Variants in PDE1C observed in about 807,000 individuals in gnomAD.
PDE1C encodes the protein dual specificity calcium/calmodulin-dependent 3',5'-cyclic nucleotide phosphodiesterase 1C.
A neutral mutation model predicts 93.1 loss-of-function variants in PDE1C; 62 were observed. The observed-to-expected ratio is 0.67, with a 90% CI of 0.54 to 0.82. PDE1C has a LOEUF of 0.82. PDE1C is among the 40% of genes least tolerant of loss of function. The pLI is 0.00. For synonymous variants in PDE1C, 325 were observed against 310.1 expected, an observed-to-expected ratio of 1.05 and a Z score of -0.50; for missense variants, 742 against 884.6, an observed-to-expected ratio of 0.84 and a Z score of 2.04.
At chr7:32,392,924 C>T (rs895798759) in intron 1 of PDE1C, among the ~76,000 whole-genome samples, 12 of 151,708 alleles carry the variant, frequency 7.9e-5, no homozygotes, top group African/African-American at 2.7e-4. Context: ...TGGTGCACAC[C>T]TGTAATCCCA....
the PDE1C span, among the ~76,000 whole-genome samples, chr7:31,670,935 C>G: frequency 3.2e-3 from 487 of 152,218 alleles, 1 homozygote; most frequent in African/African-American, 0.01. Flanking sequence ...TTCAGAGGGA[C>G]AGCTTGATGG....
At chr7:32,417,554 G>A (rs1350744342) in intron 1 of PDE1C, among the ~76,000 whole-genome samples, 1 of 151,624 alleles carries the variant, frequency 6.6e-6, no homozygotes, top group African/African-American at 2.4e-5. Context: ...ATCATGGGCA[G>A]AGCCCAGATT....
At chr7:32,311,001 G>A (rs376949609) in intron 1 of PDE1C, among the ~76,000 whole-genome samples, 14 of 152,154 alleles carry the variant, frequency 9.2e-5, no homozygotes, top group African/African-American at 2.2e-4. Flanking sequence ...TTGATAGACC[G>A]CTAGCAAGAT....
intron 1 of PDE1C, among the ~76,000 whole-genome samples, chr7:32,267,920 C>T (rs1437903949): frequency 2.0e-5 from 3 of 152,102 alleles, no homozygotes; most frequent in East Asian, 1.9e-4. Flanking sequence ...CCCCATTTTA[C>T]GGAATTGGAA....
intron 2 of PDE1C, among the ~76,000 whole-genome samples, chr7:32,185,521 A>AT (rs1803795169): frequency 6.6e-6 from 1 of 152,144 alleles, no homozygotes; most frequent in Non-Finnish European, 1.5e-5. Flanking sequence ...TATTTCACAA[A>AT]TTTTTAAAAG....
the PDE1C span, among the ~76,000 whole-genome samples, chr7:31,703,321 G>A: frequency 1.3e-5 from 2 of 152,300 alleles, no homozygotes; most frequent in Admixed American, 6.5e-5. Context: ...AGCCTAACGG[G>A]TTGAGCTCTG....
At chr7:32,182,728 G>T (rs1352204159) in intron 2 of PDE1C, among the ~76,000 whole-genome samples, 11 of 152,154 alleles carry the variant, frequency 7.2e-5, no homozygotes, top group Admixed American at 6.5e-4. Context: ...CATTCCCTTT[G>T]AAAACTGGCA....
At chr7:31,943,266 T>A (rs1361019357) in intron 2 of PDE1C, among the ~76,000 whole-genome samples, 1 of 152,146 alleles carries the variant, frequency 6.6e-6, no homozygotes, top group African/African-American at 2.4e-5. Flanking sequence ...GCCTATCACA[T>A]AGGACCAACT....
chr7:32,370,118 T>C (rs1053676362), intron 1 of PDE1C, among the ~76,000 whole-genome samples: 1 of 152,152 alleles, frequency 6.6e-6, no homozygotes, highest in African/African-American at 2.4e-5. Context: ...TAAGAAAATG[T>C]GGCACAATAC....
chr7:32,161,068 G>C (rs1308659933), intron 3 of PDE1C, among the ~76,000 whole-genome samples: 24 of 152,128 alleles, frequency 1.6e-4, no homozygotes, highest in Admixed American at 1.6e-3. Flanking sequence ...TTCATAGGAG[G>C]TTCGTGAGCT....
chr7:32,005,747 T>C (rs1191225615), intron 2 of PDE1C, among the ~76,000 whole-genome samples: 1 of 151,972 alleles, frequency 6.6e-6, no homozygotes, highest in Admixed American at 6.6e-5. Context: ...AGAACTAGAA[T>C]AGACACTTCA....
chr7:31,668,406 G>A, the PDE1C span, among the ~76,000 whole-genome samples: 146 of 152,088 alleles, frequency 9.6e-4, 1 homozygote, highest in African/African-American at 3.4e-3. Context: ...AATAATCAAA[G>A]AGTAGAAATA....
In PDE1C at chr7:31,930,907, C is replaced by T. The variant is rs184738218; in HGVS notation, c.129-50047G>A. ...TCCACCACTATCAAGTTGGCTTCAT[C>T]CCTGGGATGGAAGGCTTGTTCAACA... On this transcript the variant is annotated intron_variant, in intron 2 of 17. Transcript: ENST00000396191. 1.3e-4 allele frequency among the ~76,000 whole-genome samples: 19 copies of T among 147,916 alleles called. 1 individual carries two copies. The highest frequency in any genetic ancestry group is 4.0e-4 in the African/African-American group (16 of 39,780).
At chr7:31,891,010 G>A (rs1035773877) in intron 2 of PDE1C, among the ~76,000 whole-genome samples, 13 of 152,076 alleles carry the variant, frequency 8.5e-5, no homozygotes, top group African/African-American at 2.4e-4. Context: ...TCCTCCAGGC[G>A]CACAGTAGCT....
At chr7:32,104,577 T>A (rs1398865408) in intron 3 of PDE1C, among the ~76,000 whole-genome samples, 1 of 152,148 alleles carries the variant, frequency 6.6e-6, no homozygotes, top group Non-Finnish European at 1.5e-5. Flanking sequence ...TTGGGTCCCA[T>A]GTCAAAATGA....
the PDE1C span, chr7:31,643,914 G>A: frequency 6.2e-7 from 1 of 1,613,686 alleles, no homozygotes; most frequent in Non-Finnish European, 8.5e-7. Flanking sequence ...TGACGACTTT[G>A]AAAGCCCTTC....
At chr7:32,104,757 G>A (rs779345364) in intron 3 of PDE1C, among the ~76,000 whole-genome samples, 3 of 152,124 alleles carry the variant, frequency 2.0e-5, no homozygotes, top group East Asian at 1.9e-4. Flanking sequence ...GGTGCTACAC[G>A]CATGTATTAT....
intron 1 of PDE1C, among the ~76,000 whole-genome samples, chr7:32,305,693 T>C (rs1812982353): frequency 6.6e-6 from 1 of 152,262 alleles, no homozygotes; most frequent in South Asian, 2.1e-4. Flanking sequence ...ATTTCTCATC[T>C]GACTCGTTAG....
At chr7:32,231,057 T>G (rs1003711405) in intron 1 of PDE1C, among the ~76,000 whole-genome samples, 2 of 152,166 alleles carry the variant, frequency 1.3e-5, no homozygotes, top group African/African-American at 2.4e-5. Context: ...CTGGGAAAAT[T>G]TAACCTTTTC....
Sources: allele counts gnomAD v4.1 joint callset (sites outside exome capture counted in the v4.1 genomes callset), GRCh38; gene constraint gnomAD v4.1.1; transcripts MANE v1.5; gene names NCBI Gene and HGNC (gene_info 2026-07-23, HGNC 2026-07-21).